The following SEMA3D variants were observed in gnomAD, a reference collection of about 807,000 sequenced individuals.
SEMA3D encodes semaphorin-3D.
In SEMA3D, 84 loss-of-function variants were observed where a neutral mutation model predicts 100.1. The observed-to-expected ratio is 0.84, with a 90% CI of 0.70 to 1.01. The LOEUF (loss-of-function observed/expected upper bound fraction) is 1.01, where lower values mean the gene tolerates loss of function less well. Among genes scored for constraint, SEMA3D ranks in the 50% least tolerant of loss-of-function variants. The pLI is 0.00. For missense variants in SEMA3D, 875 were observed against 934.1 expected, an observed-to-expected ratio of 0.94 and a Z score of 0.82; for synonymous variants, 312 against 320.7, an observed-to-expected ratio of 0.97 and a Z score of 0.29.
the SEMA3D span, among the ~76,000 whole-genome samples, chr7:85,207,267 G>A: frequency 2.6e-5 from 4 of 151,986 alleles, no homozygotes; most frequent in Non-Finnish European, 5.9e-5. Context: ...CCGTAAAAGA[G>A]GACAGGCTTT....
chr7:85,174,661 G>A (rs1791178721), intron 1 of SEMA3D, among the ~76,000 whole-genome samples: 2 of 152,052 alleles, frequency 1.3e-5, no homozygotes, highest in African/African-American at 4.8e-5. Context: ...GAGCTACTGG[G>A]GACTGAAAGA....
At chr7:85,060,715 T>C (rs1791454924) in intron 8 of SEMA3D, among the ~76,000 whole-genome samples, 1 of 152,184 alleles carries the variant, frequency 6.6e-6, no homozygotes, top group Admixed American at 6.5e-5. Context: ...CATTATTTAA[T>C]AGATAGTAAG....
the SEMA3D span, among the ~76,000 whole-genome samples, chr7:85,234,574 C>T: frequency 3.3e-5 from 5 of 152,074 alleles, no homozygotes; most frequent in South Asian, 2.1e-4. Flanking sequence ...ACCTACAGAG[C>T]TTTTAAGCTC....
chr7:85,061,509 G>A (rs930332052), intron 8 of SEMA3D, among the ~76,000 whole-genome samples: 1 of 152,122 alleles, frequency 6.6e-6, no homozygotes, highest in Non-Finnish European at 1.5e-5. Context: ...TTTAGAATCT[G>A]CATCTTAACA....
intron 2 of SEMA3D, among the ~76,000 whole-genome samples, chr7:85,125,617 T>G (rs993849481): frequency 6.6e-6 from 1 of 152,112 alleles, no homozygotes; most frequent in Non-Finnish European, 1.5e-5. Flanking sequence ...TTTATATATT[T>G]TTCTACTATA....
intron 2 of SEMA3D, chr7:85,142,313 C>T (rs1031150184): frequency 7.4e-5 from 72 of 974,336 alleles, no homozygotes; most frequent in Non-Finnish European, 8.2e-5. Flanking sequence ...TCTACACCCT[C>T]AGTGTCAGCC....
chr7:85,116,330 G>T (rs1294523301), intron 3 of SEMA3D, among the ~76,000 whole-genome samples: 6 of 142,108 alleles, frequency 4.2e-5, no homozygotes, highest in African/African-American at 1.3e-4. Flanking sequence ...TTATATAAAT[G>T]TATATATTTA....
chr7:85,233,339 C>T, the SEMA3D span, among the ~76,000 whole-genome samples: 2 of 152,100 alleles, frequency 1.3e-5, no homozygotes, highest in African/African-American at 4.8e-5. Context: ...ATGATTAGTA[C>T]CCTCAAATGA....
intron 3 of SEMA3D, among the ~76,000 whole-genome samples, chr7:85,103,496 A>C (rs1246095830): frequency 6.6e-6 from 1 of 151,888 alleles, no homozygotes; most frequent in African/African-American, 2.4e-5. Flanking sequence ...CACACGTGCC[A>C]TTGAGAGGAG....
intron 3 of SEMA3D, among the ~76,000 whole-genome samples, chr7:85,103,421 G>C (rs910161059): frequency 6.6e-6 from 1 of 152,018 alleles, no homozygotes; most frequent in Non-Finnish European, 1.5e-5. Context: ...TAGTTTTAAA[G>C]CTTTTTGGAC....
chr7:85,225,064 A>C, the SEMA3D span, among the ~76,000 whole-genome samples: 1 of 4,182 alleles, frequency 2.4e-4, no homozygotes, highest in South Asian at 2.2e-3. Context: ...ATATATATAT[A>C]TATATATATA....
chr7:85,120,986 A>C (rs911136332), intron 3 of SEMA3D, among the ~76,000 whole-genome samples: 1 of 152,170 alleles, frequency 6.6e-6, no homozygotes, highest in Non-Finnish European at 1.5e-5. Flanking sequence ...TGTCTATAAA[A>C]TGTGATCTTA....
chr7:85,008,336 TAGTG>T (rs1017701652), intron 17 of SEMA3D, among the ~76,000 whole-genome samples: 1 of 151,834 alleles, frequency 6.6e-6, no homozygotes, highest in African/African-American at 2.4e-5. Flanking sequence ...GGAAAAGTAA[TAGTG>T]AGCTCATTAT....
chr7:85,033,978 G>T (rs1037610264), intron 12 of SEMA3D, among the ~76,000 whole-genome samples: 1 of 151,828 alleles, frequency 6.6e-6, no homozygotes, highest in Non-Finnish European at 1.5e-5. Context: ...GGGAGTTATT[G>T]TAAGAACAAT....
At chr7:85,083,490 G>A (rs1583905801) in intron 4 of SEMA3D, among the ~76,000 whole-genome samples, 1 of 152,134 alleles carries the variant, frequency 6.6e-6, no homozygotes, top group Admixed American at 6.5e-5. Context: ...TGTTATTTTT[G>A]TTCTGGTTGT....
chr7:85,017,907 C>T (rs566423219), intron 15 of SEMA3D, among the ~76,000 whole-genome samples: 60 of 151,770 alleles, frequency 4.0e-4, no homozygotes, highest in African/African-American at 1.3e-3. Flanking sequence ...ATTCTAACTC[C>T]TAGACCCCCA....
At chr7:85,015,696 TGTGAGTTATTAGTGG>T in intron 15 of SEMA3D, among the ~76,000 whole-genome samples, 1 of 151,922 alleles carries the variant, frequency 6.6e-6, no homozygotes, top group African/African-American at 2.4e-5. Context: ...CTTGAAAGAA[TGTGAGTTATTAGTGG>T]GAGAGAAAGT....
the SEMA3D span, among the ~76,000 whole-genome samples, chr7:85,207,960 T>C: frequency 6.6e-6 from 1 of 152,040 alleles, no homozygotes. Context: ...AAATATCTTG[T>C]TGCTTTTACT....
chr7:85,190,355 C>T (rs1791669747), upstream of SEMA3D, among the ~76,000 whole-genome samples: 1 of 152,132 alleles, frequency 6.6e-6, no homozygotes, highest in African/African-American at 2.4e-5. Flanking sequence ...TAATAAATAT[C>T]ACCTTATAAA....
Sources: gnomAD v4.1 joint callset for allele counts (sites outside exome capture counted in the v4.1 genomes callset) on GRCh38, gnomAD v4.1.1 for gene constraint, MANE v1.5 for transcripts, NCBI Gene and HGNC (gene_info 2026-07-23, HGNC 2026-07-21) for gene names.